The following SDCCAG8 variants were observed in gnomAD, a reference collection of about 807,000 sequenced individuals.
The protein encoded by SDCCAG8 is SHH signaling and ciliogenesis regulator SDCCAG8.
SDCCAG8 carries 74 observed loss-of-function variants against 101.8 expected under a neutral mutation model. The ratio of observed to expected loss-of-function variants is 0.73; its 90% CI spans 0.60 to 0.88. SDCCAG8 has a LOEUF of 0.88. Ranked by LOEUF, SDCCAG8 falls within the 40% of genes least tolerant of loss-of-function variation. SDCCAG8 has a pLI of 0.00. For synonymous variants in SDCCAG8, 281 were observed against 292.9 expected (o/e 0.96, Z 0.41); for missense variants, 787 against 822.6 (o/e 0.96, Z 0.53).
intron 9 of SDCCAG8, among the ~76,000 whole-genome samples, chr1:243,318,799 G>T (rs1034596864): frequency 6.6e-6 from 1 of 152,186 alleles, no homozygotes; most frequent in Non-Finnish European, 1.5e-5. Flanking sequence ...GGAGGAAACC[G>T]CAGTTACTTC....
intron 16 of SDCCAG8, among the ~76,000 whole-genome samples, chr1:243,438,724 C>T (rs927790435): frequency 1.3e-5 from 2 of 152,128 alleles, no homozygotes; most frequent in South Asian, 4.1e-4. Context: ...GTGATGTTAG[C>T]GTTTTCAGTA....
At chr1:243,428,750 A>T (rs1267724166) in intron 16 of SDCCAG8, among the ~76,000 whole-genome samples, 1 of 152,202 alleles carries the variant, frequency 6.6e-6, no homozygotes, top group Admixed American at 6.5e-5. Flanking sequence ...AATTGAGAGA[A>T]ATGTCAAATG....
At chr1:243,372,885 CT>C (rs1480495211) in intron 12 of SDCCAG8, among the ~76,000 whole-genome samples, 1 of 145,160 alleles carries the variant, frequency 6.9e-6, no homozygotes, top group African/African-American at 2.5e-5. Flanking sequence ...GTAGTCCCAG[CT>C]ACTTGGGAAC....
intron 9 of SDCCAG8, among the ~76,000 whole-genome samples, chr1:243,329,296 T>C (rs967799780): frequency 6.6e-6 from 1 of 152,222 alleles, no homozygotes; most frequent in East Asian, 1.9e-4. Flanking sequence ...CCTTTATATT[T>C]TATGCCTGGG....
rs991888223 is a variant in SDCCAG8 at position 243,430,471 on chromosome 1, GTCTC to G, written c.1985+3919_1985+3922del. On this transcript the variant is annotated intron_variant, in intron 16 of 17. Coordinates refer to ENST00000366541, the MANE Select transcript of SDCCAG8 (RefSeq NM_006642.5). ...TTATTTATTTATTTTTTGATACGGA[GTCTC>G]TCTCTGTCGCCCAGGCTGGAGTGCA... 3.3e-5 allele frequency among the ~76,000 whole-genome samples: 5 copies of G among 152,098 alleles called. No homozygotes were observed. The East Asian group carries it at 7.8e-4, about 24-fold the overall frequency.
chr1:243,416,226 TAG>T lies in SDCCAG8; in HGVS notation c.1744+400_1744+401del, dbSNP rs1207756378. Reference sequence around the variant, plus strand: ...GCGGGAAATGCTCTGAGCTTACAGTTAGAGTCTCCTGAATAGCATTGAACAGT... The same window carrying T: ...GCGGGAAATGCTCTGAGCTTACAGTTAGTCTCCTGAATAGCATTGAACAGT... On this transcript the variant is annotated intron_variant, in intron 14 of 17. Transcript: ENST00000366541. The surrounding 1 kb of genome is among the most constrained non-coding windows in gnomAD (Gnocchi z 4.3). Among the ~76,000 whole-genome samples the T allele has an allele frequency of 6.6e-6, 1 of 152,168 alleles. No individual in the cohort carries two copies. Among genetic ancestry groups the T allele is most frequent in the African/African-American group, 2.4e-5 (1 of 41,440 alleles).
At chr1:243,481,574 T>C (rs1412942150) in intron 16 of SDCCAG8, among the ~76,000 whole-genome samples, 6 of 152,216 alleles carry the variant, frequency 3.9e-5, no homozygotes, top group African/African-American at 1.4e-4. Context: ...TTACAGTTCA[T>C]GTATTTGCAC....
At chr1:243,266,908 A>G (rs894125283) in intron 1 of SDCCAG8, among the ~76,000 whole-genome samples, 8 of 136,942 alleles carry the variant, frequency 5.8e-5, no homozygotes, top group African/African-American at 2.2e-4. Context: ...CACTACTTGC[A>G]CTCCAGCCTG....
At chr1:243,334,675 C>T (rs1472370173) in intron 10 of SDCCAG8, among the ~76,000 whole-genome samples, 1 of 152,094 alleles carries the variant, frequency 6.6e-6, no homozygotes, top group African/African-American at 2.4e-5. Context: ...CACTTAGCCT[C>T]GACCACTTGA....
chr1:243,294,704 C>CA (rs34710985), intron 6 of SDCCAG8, among the ~76,000 whole-genome samples: 41,024 of 123,584 alleles, frequency 0.33, 8,277 homozygotes, highest in South Asian at 0.57. Context: ...ATTCCCCCCC[C>CA]CCCCCACAGC....
chr1:243,408,635 A>G (rs1264447787), intron 13 of SDCCAG8, among the ~76,000 whole-genome samples: 1 of 152,176 alleles, frequency 6.6e-6, no homozygotes, highest in Non-Finnish European at 1.5e-5. Context: ...CTGATAAAAG[A>G]AGAGACTGAA....
intron 4 of SDCCAG8, among the ~76,000 whole-genome samples, chr1:243,281,648 G>T: frequency 3.8e-5 from 5 of 132,598 alleles, no homozygotes; most frequent in Admixed American, 1.8e-4. Flanking sequence ...TGCCTTCTCT[G>T]GCTTTTTTTT....
At chr1:243,317,025 ATG>A in intron 9 of SDCCAG8, 132 bp downstream of exon 9, 1 of 959,268 alleles carries the variant, frequency 1.0e-6, no homozygotes, top group Non-Finnish European at 1.6e-6. Flanking sequence ...CAATCTGTTA[ATG>A]TTGACTTTTC....
At chr1:243,498,589 T>TCA (rs1462366653) in intron 17 of SDCCAG8, among the ~76,000 whole-genome samples, 1 of 152,258 alleles carries the variant, frequency 6.6e-6, no homozygotes, top group Non-Finnish European at 1.5e-5. Context: ...TCAGGGTCTC[T>TCA]CACACACTGG....
chr1:243,499,650 CCAA>C (rs1231459714), intron 17 of SDCCAG8, 103 bp from the exon 18 acceptor site: 15 of 933,054 alleles, frequency 1.6e-5, no homozygotes, highest in Admixed American at 3.8e-5. Context: ...GTTTTTTTCT[CCAA>C]CAACAGTTTT....
chr1:243,498,896 G>T (rs756862792), intron 17 of SDCCAG8, among the ~76,000 whole-genome samples: 11 of 152,236 alleles, frequency 7.2e-5, no homozygotes, highest in Non-Finnish European at 1.3e-4. Flanking sequence ...TTTATCTGAC[G>T]TAGAAACCGG....
At chr1:243,263,434 A>G (rs1412168088) in intron 1 of SDCCAG8, among the ~76,000 whole-genome samples, 1 of 152,220 alleles carries the variant, frequency 6.6e-6, no homozygotes, top group Non-Finnish European at 1.5e-5. Flanking sequence ...CCTACTTTAC[A>G]GTAATTACAA....
At chr1:243,457,919 A>G (rs7517277) in intron 16 of SDCCAG8, among the ~76,000 whole-genome samples, 2,030 of 152,306 alleles carry the variant, frequency 0.013, 46 homozygotes, top group African/African-American at 0.046. Context: ...GTCTGTTAAT[A>G]TGTGTTTTCG....
intron 13 of SDCCAG8, among the ~76,000 whole-genome samples, chr1:243,381,929 G>A (rs972522295): frequency 2.0e-5 from 3 of 152,234 alleles, no homozygotes; most frequent in Non-Finnish European, 4.4e-5. Flanking sequence ...ATCAGGGAAA[G>A]CTGACAGTGA....
Sources: gnomAD v4.1 joint callset for allele counts (sites outside exome capture counted in the v4.1 genomes callset) on GRCh38, gnomAD v4.1.1 for gene constraint, Gnocchi (gnomAD v3.1) non-coding constraint, MANE v1.5 for transcripts, NCBI Gene and HGNC (gene_info 2026-07-23, HGNC 2026-07-21) for gene names.